Variants in GABRB3 observed in about 807,000 individuals in gnomAD.
GABRB3 encodes the protein gamma-aminobutyric acid receptor subunit beta-3.
GABRB3 carries 14 observed loss-of-function variants against 52.1 expected under a neutral mutation model. The observed-to-expected ratio is 0.27, with a 90% CI of 0.18 to 0.42. The LOEUF is 0.42. Among genes scored for constraint, GABRB3 ranks in the 10% least tolerant of loss-of-function variants. The pLI is 1.00. For synonymous variants in GABRB3, 260 were observed against 232.3 expected (o/e 1.12, Z -1.08); for missense variants, 307 against 609.1 (o/e 0.50, Z 5.22).
Position 26,560,786 on chromosome 15 carries a change from T to C in GABRB3, c.1080+146A>G, listed in dbSNP as rs1889951090. On this transcript the variant is annotated intron_variant, in intron 8 of 8. Coordinates refer to ENST00000311550, the MANE Select transcript of GABRB3 (RefSeq NM_000814.6). ...CTGAATAAAAAACACCTGGGTGCCA[T>C]GTCATAAGGGCTATATCACAAGTAC... The C allele has an allele frequency of 5.8e-6, 7 of 1,216,948 alleles. No individual in the cohort carries two copies. In the South Asian group the frequency reaches 6.4e-5, roughly 11 times the overall value. The allele number at this position is 1,216,948 out of a possible 1,614,324, so 75.4% of individuals were successfully genotyped here.
intron 3 of GABRB3, among the ~76,000 whole-genome samples, chr15:26,726,820 A>T (rs1327880697): frequency 2.6e-5 from 4 of 152,106 alleles, no homozygotes; most frequent in African/African-American, 9.7e-5. Flanking sequence ...ATTAAGAGGC[A>T]TTATGTGGGG....
chr15:26,736,069 G>A (rs1890058054), intron 3 of GABRB3, among the ~76,000 whole-genome samples: 1 of 152,174 alleles, frequency 6.6e-6, no homozygotes, highest in Non-Finnish European at 1.5e-5. Flanking sequence ...GGCTGCTAGG[G>A]ACTGAGGGGA....
intron 3 of GABRB3, chr15:26,716,514 G>T: frequency 1.2e-6 from 1 of 810,174 alleles, no homozygotes; most frequent in Non-Finnish European, 1.5e-6. Flanking sequence ...GGGGGTTTGA[G>T]CAATGTGTGC....
intron 3 of GABRB3, among the ~76,000 whole-genome samples, chr15:26,771,470 CCAAA>C (rs981106273): frequency 1.3e-4 from 20 of 152,298 alleles, no homozygotes; most frequent in Non-Finnish European, 2.1e-4. Flanking sequence ...AGAAAAGTTG[CCAAA>C]CAATTTCTTC....
chr15:26,642,101 C>T (rs1893217692), intron 3 of GABRB3, among the ~76,000 whole-genome samples: 1 of 152,106 alleles, frequency 6.6e-6, no homozygotes, highest in Non-Finnish European at 1.5e-5. Flanking sequence ...TCATGTTGCC[C>T]AGGCCAGTCT....
intron 3 of GABRB3, among the ~76,000 whole-genome samples, chr15:26,679,562 T>C (rs192894259): frequency 1.1e-3 from 175 of 152,264 alleles, no homozygotes; most frequent in Non-Finnish European, 2.1e-3. Flanking sequence ...GGAAAGGAAA[T>C]CATTTTTGAT....
intron 3 of GABRB3, among the ~76,000 whole-genome samples, chr15:26,687,481 CTT>C (rs910418355): frequency 6.6e-6 from 1 of 152,148 alleles, no homozygotes; most frequent in Non-Finnish European, 1.5e-5. Flanking sequence ...TCATGCTTCT[CTT>C]TCTCTTCCTC....
At chr15:26,682,137 A>G (rs1310922344) in intron 3 of GABRB3, among the ~76,000 whole-genome samples, 1 of 151,972 alleles carries the variant, frequency 6.6e-6, no homozygotes, top group South Asian at 2.1e-4. Context: ...CTAATGTCTG[A>G]CCGTCAGTTT....
intron 3 of GABRB3, among the ~76,000 whole-genome samples, chr15:26,689,634 G>A (rs184243998): frequency 3.7e-4 from 56 of 152,130 alleles, no homozygotes; most frequent in African/African-American, 1.3e-3. Flanking sequence ...ACATCAAAAG[G>A]TGAGGCAGAG....
At chr15:26,553,971 C>T (rs1889584436) in intron 8 of GABRB3, among the ~76,000 whole-genome samples, 1 of 134,620 alleles carries the variant, frequency 7.4e-6, no homozygotes, top group South Asian at 2.4e-4. Context: ...AATACCAGGG[C>T]TCAAGTGATC....
At chr15:26,637,579 G>A (rs1356839405) in intron 3 of GABRB3, among the ~76,000 whole-genome samples, 2 of 152,122 alleles carry the variant, frequency 1.3e-5, no homozygotes, top group Admixed American at 6.6e-5. Flanking sequence ...CTGGTTGTTG[G>A]TGTGTCCCTT....
At chr15:26,664,082 T>C (rs938459370) in intron 3 of GABRB3, among the ~76,000 whole-genome samples, 2 of 152,218 alleles carry the variant, frequency 1.3e-5, no homozygotes, top group African/African-American at 4.8e-5. Flanking sequence ...GGTCTCACTT[T>C]ATTGCCCAGG....
intron 4 of GABRB3, among the ~76,000 whole-genome samples, chr15:26,609,298 G>A (rs1891974336): frequency 6.6e-6 from 1 of 152,080 alleles, no homozygotes; most frequent in South Asian, 2.1e-4. Flanking sequence ...CATATAAGCA[G>A]AGAACAGAAC....
chr15:26,607,092 C>T (rs1891866572), intron 4 of GABRB3, among the ~76,000 whole-genome samples: 1 of 152,114 alleles, frequency 6.6e-6, no homozygotes, highest in Admixed American at 6.6e-5. Flanking sequence ...CTCGCTGTTT[C>T]TGTACCTCAC....
chr15:26,572,011 A>G (rs965419575), intron 6 of GABRB3, among the ~76,000 whole-genome samples: 1 of 146,442 alleles, frequency 6.8e-6, no homozygotes, highest in African/African-American at 2.5e-5. Flanking sequence ...GAGCTACTGC[A>G]CTCCAGCCTG....
intron 3 of GABRB3, among the ~76,000 whole-genome samples, chr15:26,707,338 A>G (rs1889135956): frequency 6.6e-6 from 1 of 152,246 alleles, no homozygotes; most frequent in Non-Finnish European, 1.5e-5. Context: ...CCAGCGGCAG[A>G]GGAACCAGTT....
intron 3 of GABRB3, among the ~76,000 whole-genome samples, chr15:26,713,672 G>A (rs1232710515): frequency 3.9e-5 from 6 of 152,212 alleles, no homozygotes; most frequent in African/African-American, 1.2e-4. Context: ...AGAACTGGTG[G>A]CCGCAACACG....
At chr15:26,633,091 C>A (rs1595499211) in intron 3 of GABRB3, among the ~76,000 whole-genome samples, 1 of 152,266 alleles carries the variant, frequency 6.6e-6, no homozygotes, top group Non-Finnish European at 1.5e-5. Context: ...GTGTAGAATT[C>A]CCAAAATTAT....
chr15:26,568,528 C>T (rs1205934080), intron 6 of GABRB3, among the ~76,000 whole-genome samples: 1 of 141,182 alleles, frequency 7.1e-6, no homozygotes, highest in African/African-American at 2.6e-5. Flanking sequence ...GATGGAGTCT[C>T]GCTCTGTCAC....
Sources: allele counts gnomAD v4.1 joint callset (sites outside exome capture counted in the v4.1 genomes callset), GRCh38; gene constraint gnomAD v4.1.1; transcripts MANE v1.5; gene names NCBI Gene and HGNC (gene_info 2026-07-23, HGNC 2026-07-21).